PDE11A: variants seen among roughly 807,000 people sequenced by gnomAD.
The protein encoded by PDE11A is phosphodiesterase 11A.
Under a neutral mutation model 100.5 loss-of-function variants are expected in PDE11A, and 100 were observed. That is an observed-to-expected ratio of 1.00 (90% CI 0.85 to 1.18). PDE11A has a LOEUF of 1.18. Among genes scored for constraint, PDE11A ranks in the 50% most tolerant of loss-of-function variants. The probability of loss-of-function intolerance (pLI) is 0.00; values close to 1 mark genes in which losing one functional copy is unlikely to be tolerated. For missense variants in PDE11A, 1,141 were observed against 1,152.6 expected, an observed-to-expected ratio of 0.99 and a Z score of 0.15; for synonymous variants, 381 against 420.8, an observed-to-expected ratio of 0.91 and a Z score of 1.16.
chr2:177,717,157 A>ATATT (rs2105433720), intron 12 of PDE11A, among the ~76,000 whole-genome samples: 1 of 152,292 alleles, frequency 6.6e-6, no homozygotes, highest in South Asian at 2.1e-4. Flanking sequence ...CACACAAAAC[A>ATATT]TATTTACCTC....
intron 2 of PDE11A, among the ~76,000 whole-genome samples, chr2:177,950,673 A>G (rs1222696799): frequency 6.6e-6 from 1 of 152,218 alleles, no homozygotes; most frequent in African/African-American, 2.4e-5. Context: ...GCACTTTGGG[A>G]GGCCGAGTTG....
chr2:177,782,081 T>C (rs941934363), intron 9 of PDE11A, among the ~76,000 whole-genome samples: 2 of 152,232 alleles, frequency 1.3e-5, no homozygotes, highest in Non-Finnish European at 2.9e-5. Flanking sequence ...ATACTATTCA[T>C]TAGCTAGTAC....
rs192859573 is a variant in PDE11A at position 178,057,945 on chromosome 2, C to T, written c.912+13581G>A. Reference sequence around the variant, plus strand: ...TGATCTCGGCTCACTGCAACCTCCACCCCCTGGGTTCAAGCGATTCTCCTG... The same window carrying T: ...TGATCTCGGCTCACTGCAACCTCCATCCCCTGGGTTCAAGCGATTCTCCTG... On this transcript the variant is annotated intron_variant, in intron 1 of 19. Transcript: ENST00000286063. Among the ~76,000 whole-genome samples, 703 of 152,230 alleles carry T rather than the reference C, an allele frequency of 4.6e-3. 3 individuals are homozygous for T. The highest frequency in any genetic ancestry group is 7.0e-3 in the Non-Finnish European group (478 of 68,008).
chr2:177,748,481 A>G (rs114325164), intron 10 of PDE11A, among the ~76,000 whole-genome samples: 1,604 of 152,280 alleles, frequency 0.011, 33 homozygotes, highest in African/African-American at 0.036. Context: ...CTATTTGCGT[A>G]TTATTAAACA....
intron 1 of PDE11A, among the ~76,000 whole-genome samples, chr2:178,037,849 C>T (rs1363692953): frequency 1.3e-5 from 2 of 151,962 alleles, no homozygotes; most frequent in Non-Finnish European, 2.9e-5. Context: ...GTGAGGGGAA[C>T]ATCACACACC....
At chr2:178,105,006 T>C (rs551155332) in intron 1 of PDE11A, among the ~76,000 whole-genome samples, 1 of 152,300 alleles carries the variant, frequency 6.6e-6, no homozygotes, top group South Asian at 2.1e-4. Context: ...CATAGAAACC[T>C]GTATGTAACA....
In PDE11A at chr2:178,091,482, TC is replaced by T. The variant is rs547381472; in HGVS notation, c.162+12819del. 2.5e-3 allele frequency among the ~76,000 whole-genome samples: 382 copies of T among 152,274 alleles called. 4 individuals are homozygous for T. The highest frequency in any genetic ancestry group is 3.9e-3 in the Non-Finnish European group (265 of 68,026). On this transcript the variant is annotated intron_variant, in intron 2 of 20. Transcript: ENST00000358450. ...TTCTGGTGCCAGATCTCTCTAGGTG[TC>T]AACACAGAAGGTAAAACCCACATCA... is the stretch of plus-strand genomic sequence containing the variant.
intron 1 of PDE11A, among the ~76,000 whole-genome samples, chr2:178,023,348 C>T (rs2086437798): frequency 6.6e-6 from 1 of 152,190 alleles, no homozygotes; most frequent in Non-Finnish European, 1.5e-5. Context: ...CGAAAGAAGC[C>T]TCGAAGCAAA....
rs914758657 is a variant in PDE11A, at chr2:177,994,393, T to A, written c.1071+19909A>T. Among the ~76,000 whole-genome samples, 4 of 152,190 alleles carry A rather than the reference T, an allele frequency of 2.6e-5. No homozygotes were observed. In the South Asian group the frequency reaches 6.2e-4, roughly 24 times the overall value. ...CCACATGTCTGTGTGTTGGATAAACTCCCTGCCTTTAATGTCCATAATGAG... is the reference window on the plus strand; with the variant it reads ...CCACATGTCTGTGTGTTGGATAAACACCCTGCCTTTAATGTCCATAATGAG... On this transcript the variant is annotated intron_variant, in intron 2 of 19. Coordinates refer to ENST00000286063, the MANE Select transcript of PDE11A (RefSeq NM_016953.4).
chr2:177,641,426 C>CAAAAAA (rs3056858), intron 19 of PDE11A, among the ~76,000 whole-genome samples: 5 of 136,074 alleles, frequency 3.7e-5, no homozygotes, highest in African/African-American at 8.2e-5. Context: ...TTTACTGAGT[C>CAAAAAA]AAAAAAAAAA....
intron 2 of PDE11A, among the ~76,000 whole-genome samples, chr2:177,930,673 G>A (rs767709082): frequency 1.3e-5 from 2 of 152,204 alleles, no homozygotes; most frequent in Non-Finnish European, 2.9e-5. Context: ...TCATAGGGAA[G>A]CTACCACATG....
chr2:177,743,187 C>T (rs867530356), intron 10 of PDE11A, among the ~76,000 whole-genome samples: 1 of 152,106 alleles, frequency 6.6e-6, no homozygotes, highest in African/African-American at 2.4e-5. Flanking sequence ...TTACAGAAAC[C>T]AGGGGTGAAA....
At chr2:177,858,031 A>G (rs1232185460) in intron 5 of PDE11A, among the ~76,000 whole-genome samples, 1 of 152,156 alleles carries the variant, frequency 6.6e-6, no homozygotes, top group African/African-American at 2.4e-5. Context: ...GTGCTGGGAA[A>G]ACTGGCTAGA....
At chr2:177,696,336 C>T (rs2081111919) in intron 15 of PDE11A, among the ~76,000 whole-genome samples, 1 of 152,016 alleles carries the variant, frequency 6.6e-6, no homozygotes, top group Non-Finnish European at 1.5e-5. Flanking sequence ...GAACATGTTT[C>T]AAGAGCTTAT....
chr2:178,095,673 T>C (rs965181835), intron 2 of PDE11A, among the ~76,000 whole-genome samples: 1 of 152,168 alleles, frequency 6.6e-6, no homozygotes, highest in African/African-American at 2.4e-5. Context: ...CTAGCAGAGG[T>C]TCTCCATGAA....
At chr2:177,663,220 CAGA>C (rs1281278308) in intron 19 of PDE11A, among the ~76,000 whole-genome samples, 6 of 145,430 alleles carry the variant, frequency 4.1e-5, no homozygotes, top group Non-Finnish European at 7.4e-5. Flanking sequence ...TTTCTCCTTT[CAGA>C]AGGAGAGGCC....
intron 2 of PDE11A, among the ~76,000 whole-genome samples, chr2:177,909,977 G>A (rs13419437): frequency 0.11 from 17,158 of 152,076 alleles, 1,105 homozygotes; most frequent in African/African-American, 0.18. Flanking sequence ...CTTTGTCTCC[G>A]GTTTCTTTTA....
intron 4 of PDE11A, among the ~76,000 whole-genome samples, chr2:177,880,901 A>T (rs542951888): frequency 2.6e-5 from 4 of 152,344 alleles, no homozygotes; most frequent in African/African-American, 9.6e-5. Flanking sequence ...ACCTTTTAAG[A>T]CTTAACATTT....
rs182757200 is a variant in PDE11A, at chr2:177,678,381, G to A, written c.2423+2445C>T. Reference sequence around the variant, plus strand: ...CATTCTTAGAATTAACTTACATTACGTGTGCAAAGAAAGGATAAATAATAA... The same window carrying A: ...CATTCTTAGAATTAACTTACATTACATGTGCAAAGAAAGGATAAATAATAA... On this transcript the variant is annotated intron_variant, in intron 16 of 19. Transcript: ENST00000286063. Among the ~76,000 whole-genome samples the A allele has an allele frequency of 2.0e-3, 305 of 152,248 alleles. 1 individual carries two copies. The highest frequency in any genetic ancestry group is 3.3e-3 in the Non-Finnish European group (227 of 68,026).
Sources: gnomAD v4.1 joint callset for allele counts (sites outside exome capture counted in the v4.1 genomes callset) on GRCh38, gnomAD v4.1.1 for gene constraint, MANE v1.5 for transcripts, NCBI Gene and HGNC (gene_info 2026-07-23, HGNC 2026-07-21) for gene names.